Variants in RBFOX1 observed in about 807,000 individuals in gnomAD.
The protein encoded by RBFOX1 is RNA binding protein fox-1 homolog 1.
In RBFOX1, 8 loss-of-function variants were observed where a neutral mutation model predicts 57.7. That is an observed-to-expected ratio of 0.14 (90% CI 0.08 to 0.25). The LOEUF is 0.25. Among genes scored for constraint, RBFOX1 ranks in the 10% least tolerant of loss-of-function variants. The pLI, the probability that RBFOX1 is intolerant of heterozygous loss-of-function variation, is 1.00. For synonymous variants in RBFOX1, 326 were observed against 222.4 expected (o/e 1.47, Z -4.15); for missense variants, 611 against 548.5 (o/e 1.11, Z -1.14).
intron 3 of RBFOX1, among the ~76,000 whole-genome samples, chr16:6,793,195 C>A (rs998292710): frequency 6.6e-6 from 1 of 152,060 alleles, no homozygotes; most frequent in Non-Finnish European, 1.5e-5. Flanking sequence ...GTTGATCAAA[C>A]AGTATAATTT....
intron 4 of RBFOX1, among the ~76,000 whole-genome samples, chr16:7,450,133 T>C (rs934381872): frequency 2.0e-5 from 3 of 152,086 alleles, no homozygotes; most frequent in Non-Finnish European, 2.9e-5. Flanking sequence ...CGGTGGCTCA[T>C]GCCTGTAATT....
At chr16:6,470,025 CAT>C (rs575021632) in intron 2 of RBFOX1, among the ~76,000 whole-genome samples, 178 of 152,314 alleles carry the variant, frequency 1.2e-3, no homozygotes, top group African/African-American at 4.0e-3. Flanking sequence ...AAACTTAATT[CAT>C]AGTTATCAAA....
chr16:5,818,242 C>T (rs1037212174), intron 3 of RBFOX1, among the ~76,000 whole-genome samples: 3 of 152,086 alleles, frequency 2.0e-5, no homozygotes, highest in African/African-American at 4.8e-5. Context: ...CATTGTGTAC[C>T]GTCATCAGTT....
At chr16:6,927,526 A>T (rs552222056) in intron 3 of RBFOX1, among the ~76,000 whole-genome samples, 2 of 149,954 alleles carry the variant, frequency 1.3e-5, no homozygotes, top group Admixed American at 1.3e-4. Context: ...ATGTGAGCAG[A>T]TATTTCTTTG....
At chr16:6,122,792 A>T (rs1424434884) in intron 1 of RBFOX1, among the ~76,000 whole-genome samples, 1 of 101,524 alleles carries the variant, frequency 9.8e-6, no homozygotes, top group East Asian at 2.2e-4. Context: ...CTGTGTGGCT[A>T]TGTGTGTGTA....
chr16:7,235,301 A>G (rs936933646), intron 4 of RBFOX1, among the ~76,000 whole-genome samples: 48 of 152,188 alleles, frequency 3.2e-4, no homozygotes, highest in African/African-American at 1.1e-3. Context: ...TTATTGACTA[A>G]GTGTGGCAAC....
At chr16:6,449,815 A>T (rs941666130) in intron 2 of RBFOX1, among the ~76,000 whole-genome samples, 1 of 152,182 alleles carries the variant, frequency 6.6e-6, no homozygotes, top group Non-Finnish European at 1.5e-5. Context: ...TTGCTAATGA[A>T]GGTGGCATGG....
At chr16:5,300,038 TG>T (rs1189048582) in intron 1 of RBFOX1, among the ~76,000 whole-genome samples, 4 of 152,104 alleles carry the variant, frequency 2.6e-5, no homozygotes, top group Non-Finnish European at 5.9e-5. Context: ...CTTTTTTTTT[TG>T]GGCATATATT....
At chr16:5,369,968 T>C (rs907502657) in intron 1 of RBFOX1, among the ~76,000 whole-genome samples, 4 of 152,006 alleles carry the variant, frequency 2.6e-5, no homozygotes, top group African/African-American at 7.3e-5. Context: ...TCGCTTAGAG[T>C]GGTTTCCTGC....
At chr16:7,523,159 G>T (rs981045378) in intron 5 of RBFOX1, among the ~76,000 whole-genome samples, 1 of 152,224 alleles carries the variant, frequency 6.6e-6, no homozygotes, top group Non-Finnish European at 1.5e-5. Context: ...ATTGTTGCAT[G>T]TGGTTGTAGC....
rs560667831 is a variant in RBFOX1, at chr16:7,057,490, T to C, written c.27+5392T>C. 1.8e-4 allele frequency among the ~76,000 whole-genome samples: 27 copies of C among 152,312 alleles called. 2 individuals are homozygous for C. In the South Asian group the frequency reaches 5.4e-3, roughly 30 times the overall value. On this transcript the variant is annotated intron_variant, in intron 4 of 15. Transcript: ENST00000550418. ...ACATCACACCTTCTAGCCCCTAAGA[T>C]GTATGTTGCATCGCTTTCCACCGGT...
chr16:5,956,757 C>T (rs1000834558), intron 4 of RBFOX1, among the ~76,000 whole-genome samples: 2 of 148,654 alleles, frequency 1.3e-5, no homozygotes, highest in African/African-American at 5.0e-5. Context: ...CAGCCTAGAC[C>T]TCCTGGGGCT....
intron 3 of RBFOX1, among the ~76,000 whole-genome samples, chr16:5,615,453 TAC>T (rs2047986695): frequency 1.3e-5 from 2 of 152,208 alleles, no homozygotes; most frequent in Admixed American, 6.5e-5. Flanking sequence ...TGAAGACAGC[TAC>T]GTTTATCTGA....
intron 5 of RBFOX1, among the ~76,000 whole-genome samples, chr16:7,551,965 A>G (rs2086680086): frequency 6.6e-6 from 1 of 152,206 alleles, no homozygotes; most frequent in Non-Finnish European, 1.5e-5. Flanking sequence ...CAGAAGAAAT[A>G]GCATGTGCAA....
intron 2 of RBFOX1, among the ~76,000 whole-genome samples, chr16:6,530,471 A>C (rs887626724): frequency 6.6e-6 from 1 of 152,178 alleles, no homozygotes; most frequent in Non-Finnish European, 1.5e-5. Flanking sequence ...GTAAATATTC[A>C]AATTCTTTCT....
At chr16:5,754,513 G>A (rs956807860) in intron 3 of RBFOX1, among the ~76,000 whole-genome samples, 11 of 139,892 alleles carry the variant, frequency 7.9e-5, no homozygotes, top group African/African-American at 1.4e-4. Context: ...GGGAACCAGC[G>A]TTCAGCATAT....
intron 1 of RBFOX1, among the ~76,000 whole-genome samples, chr16:5,432,421 C>T (rs748468447): frequency 5.3e-5 from 8 of 152,150 alleles, no homozygotes; most frequent in South Asian, 4.2e-4. Flanking sequence ...AAGACGCACC[C>T]GTATTTATTG....
intron 4 of RBFOX1, among the ~76,000 whole-genome samples, chr16:7,478,856 G>A (rs2063284172): frequency 6.6e-6 from 1 of 152,244 alleles, no homozygotes; most frequent in South Asian, 2.1e-4. Flanking sequence ...CTTGAGTCGA[G>A]CGCCTTGAAA....
chr16:7,028,021 A>AAAGG lies in RBFOX1; in HGVS notation c.-15-24032_-15-24029dup, dbSNP rs1362530218. On this transcript the variant is annotated intron_variant, in intron 3 of 15. Coordinates refer to ENST00000550418, the MANE Select transcript of RBFOX1 (RefSeq NM_018723.4). ...AGGAAGGGAAGAAGGAGAAGGAAAG[A>AAAGG]AAGGAAGCCTTATTTAATCTCCAGC... is the stretch of plus-strand genomic sequence containing the variant. Among the ~76,000 whole-genome samples the AAAGG allele has an allele frequency of 3.3e-5, 5 of 152,210 alleles. No individual in the cohort carries two copies. The East Asian group carries it at 9.7e-4, about 30-fold the overall frequency.
Sources: allele counts gnomAD v4.1 joint callset (sites outside exome capture counted in the v4.1 genomes callset), GRCh38; gene constraint gnomAD v4.1.1; transcripts MANE v1.5; gene names NCBI Gene and HGNC (gene_info 2026-07-23, HGNC 2026-07-21).